Variants in NSUN7 observed in about 807,000 individuals in gnomAD.
The protein encoded by NSUN7 is NOP2/Sun RNA methyltransferase family member 7, also known as protein NSUN7.
In NSUN7, 39 loss-of-function variants were observed where a neutral mutation model predicts 58.5. That is an observed-to-expected ratio of 0.67 (90% CI 0.52 to 0.87). The LOEUF (loss-of-function observed/expected upper bound fraction) is 0.87, where lower values mean the gene tolerates loss of function less well. Among genes scored for constraint, NSUN7 ranks in the 40% least tolerant of loss-of-function variants. NSUN7 has a pLI of 0.00. For missense variants in NSUN7, 765 were observed against 844.1 expected, an observed-to-expected ratio of 0.91 and a Z score of 1.16; for synonymous variants, 278 against 303.7, an observed-to-expected ratio of 0.92 and a Z score of 0.88.
intron 7 of NSUN7, among the ~76,000 whole-genome samples, chr4:40,779,809 T>G (rs1742439368): frequency 6.6e-6 from 1 of 151,952 alleles, no homozygotes; most frequent in South Asian, 2.1e-4. Context: ...GAAAGAAAAA[T>G]AGAATTAATG....
chr4:40,799,519 A>G (rs977602071), intron 10 of NSUN7, among the ~76,000 whole-genome samples: 1 of 151,960 alleles, frequency 6.6e-6, no homozygotes, highest in Non-Finnish European at 1.5e-5. Flanking sequence ...AAAGAATATG[A>G]TATGGCAAAC....
chr4:40,774,517 T>A, intron 5 of NSUN7, 100 bp downstream of exon 5: 1 of 1,163,546 alleles, frequency 8.6e-7, no homozygotes, highest in Non-Finnish European at 1.2e-6. Context: ...GTGGCACATC[T>A]AGGGGAGTGA....
intron 10 of NSUN7, among the ~76,000 whole-genome samples, chr4:40,801,759 T>TG (rs1553919943): frequency 1.6e-4 from 24 of 151,194 alleles, no homozygotes; most frequent in African/African-American, 4.4e-4. Context: ...ATTAGCCACG[T>TG]GTGGTGGTGG....
chr4:40,796,513 C>A (rs868177976), intron 9 of NSUN7, among the ~76,000 whole-genome samples: 6 of 151,920 alleles, frequency 3.9e-5, no homozygotes, highest in Admixed American at 3.9e-4. Flanking sequence ...TGGGGGCATG[C>A]AGGCTACTCG....
At chr4:40,777,327 T>A (rs942116547) in intron 7 of NSUN7, among the ~76,000 whole-genome samples, 3 of 152,168 alleles carry the variant, frequency 2.0e-5, no homozygotes, top group Non-Finnish European at 4.4e-5. Context: ...TTTTCATTTT[T>A]TTAAATTTTT....
intron 10 of NSUN7, among the ~76,000 whole-genome samples, chr4:40,805,065 C>G (rs764167378): frequency 6.6e-6 from 1 of 152,190 alleles, no homozygotes; most frequent in Non-Finnish European, 1.5e-5. Flanking sequence ...GCTCACTTCT[C>G]TGTCCTCTTG....
At chr4:40,780,734 ATAT>A (rs1309134685) in intron 7 of NSUN7, among the ~76,000 whole-genome samples, 1 of 149,646 alleles carries the variant, frequency 6.7e-6, no homozygotes, top group African/African-American at 2.4e-5. Context: ...TGACATTAAA[ATAT>A]TATGTAAACA....
Position 40,774,314 on chromosome 4 carries a change from G to C in NSUN7, c.538G>C (p.Asp180His). The C allele has an allele frequency of 2.5e-6, 4 of 1,614,048 alleles. No homozygotes were observed. Among genetic ancestry groups the C allele is most frequent in the South Asian group, 1.1e-5 (1 of 91,080 alleles). Residue 180 changes from aspartate (D) to histidine (H), a missense_variant, in exon 5 of 12, where the codon GAT becomes CAT. Transcript: ENST00000381782. ...AALARCRIKHDALSIYHILPE... is the reference protein window; with the variant it reads ...AALARCRIKHHALSIYHILPE... Reference sequence around the variant, plus strand: ...ATTGGCAAGATGTCGAATCAAGCATGATGCCCTTTCAATTTACCACATCCT... The same window carrying C: ...ATTGGCAAGATGTCGAATCAAGCATCATGCCCTTTCAATTTACCACATCCT...
intron 10 of NSUN7, among the ~76,000 whole-genome samples, chr4:40,801,268 G>T (rs902780649): frequency 2.0e-5 from 3 of 152,140 alleles, no homozygotes; most frequent in South Asian, 4.2e-4. Flanking sequence ...TGGGAGAAGG[G>T]TATTGTGAAT....
Position 40,750,726 on chromosome 4 carries a change from G to A in NSUN7, c.33G>A (p.Ser11=). The change falls in exon 2 of 12, where the codon TCG becomes TCA. Residue 11 remains serine (S), a synonymous_variant. Transcript: ENST00000381782. ...ATTCCACGGGCGAACTGGAGTTTTC[G>A]AACGAAGAAGATCCCGAGATCATCT... is the stretch of plus-strand genomic sequence containing the variant. The part of the protein sequence containing the change: MLNSTGELEF[S]NEEDPEIISQ... The A allele has an allele frequency of 6.2e-7, 1 of 1,613,852 alleles. No individual in the cohort carries two copies. The highest frequency in any genetic ancestry group is 8.5e-7 in the Non-Finnish European group (1 of 1,179,880).
At chr4:40,802,717 A>G (rs1743639494) in intron 10 of NSUN7, among the ~76,000 whole-genome samples, 2 of 151,920 alleles carry the variant, frequency 1.3e-5, no homozygotes, top group African/African-American at 4.8e-5. Flanking sequence ...AACTCAGAAC[A>G]CAATTACATA....
intron 10 of NSUN7, among the ~76,000 whole-genome samples, 181 bp downstream of exon 10, chr4:40,799,085 T>C (rs1027875627): frequency 7.2e-6 from 1 of 139,646 alleles, no homozygotes; most frequent in South Asian, 2.3e-4. Flanking sequence ...TTTTTTTTTT[T>C]TTTTTTTTTT....
intron 2 of NSUN7, among the ~76,000 whole-genome samples, chr4:40,754,134 C>A (rs1740991182): frequency 1.3e-5 from 2 of 150,080 alleles, no homozygotes; most frequent in South Asian, 2.1e-4. Flanking sequence ...TAATTAGGAG[C>A]CTGCTATTTT....
At chr4:40,781,828 C>T (rs776160995) in intron 7 of NSUN7, among the ~76,000 whole-genome samples, 1 of 152,060 alleles carries the variant, frequency 6.6e-6, no homozygotes, top group Non-Finnish European at 1.5e-5. Flanking sequence ...CTTCAAAGAA[C>T]AGAAAAAGAT....
Position 40,799,073 on chromosome 4 carries a change from C to CTTTTTGTTTTTTTTTTTTT in NSUN7, c.1400+174_1400+175insGTTTTTTTTTTTTTTTTTT, listed in dbSNP as rs1553919775. Among the ~76,000 whole-genome samples the CTTTTTGTTTTTTTTTTTTT allele has an allele frequency of 5.2e-5, 4 of 76,210 alleles. 1 individual carries two copies. Among genetic ancestry groups the CTTTTTGTTTTTTTTTTTTT allele is most frequent in the Non-Finnish European group, 2.5e-5 (1 of 39,384 alleles). 50.0% of individuals were successfully genotyped at this position (76,210 alleles called of 152,430 possible). On this transcript the variant is annotated intron_variant, in intron 10 of 11. Transcript: ENST00000381782. ...AACCAAGATTCCATAGGGCCTTTTT[C>CTTTTTGTTTTTTTTTTTTT]TTTTTTTTTTTTTTTTTTTTTTTTT...
intron 8 of NSUN7, among the ~76,000 whole-genome samples, chr4:40,792,184 G>A (rs1242115351): frequency 6.6e-6 from 1 of 151,874 alleles, no homozygotes; most frequent in Admixed American, 6.6e-5. Flanking sequence ...AAGAAAAGGG[G>A]GAAGGAAAAA....
chr4:40,780,488 T>C lies in NSUN7; in HGVS notation c.1036+4229T>C, dbSNP rs566147820. Among the ~76,000 whole-genome samples, 4 of 151,804 alleles carry C rather than the reference T, an allele frequency of 2.6e-5. No homozygotes were observed. The South Asian group carries it at 8.3e-4, about 32-fold the overall frequency. On this transcript the variant is annotated intron_variant, in intron 7 of 11. Coordinates refer to ENST00000381782, the MANE Select transcript of NSUN7 (RefSeq NM_024677.6). ...CCCAGGTGGTAGCACACACCTGTGG[T>C]CCCAGCTACTCAGGAGGCTGAGGTT...
In NSUN7 at chr4:40,782,557, A is replaced by G. The variant is rs1276077672; in HGVS notation, c.1036+6298A>G. Among the ~76,000 whole-genome samples, 11 of 151,812 alleles carry G rather than the reference A, an allele frequency of 7.2e-5. No homozygotes were observed. In the South Asian group the frequency reaches 2.1e-3, roughly 29 times the overall value. ...CACTCCACCCTGTCTCAAAAAAAAA[A>G]AAAAAGAAAAAAAGAAAAGAGAAAT... is the stretch of plus-strand genomic sequence containing the variant. On this transcript the variant is annotated intron_variant, in intron 7 of 11. Coordinates refer to ENST00000381782, the MANE Select transcript of NSUN7 (RefSeq NM_024677.6).
At chr4:40,795,778 G>A (rs539650798) in intron 9 of NSUN7, among the ~76,000 whole-genome samples, 123 of 152,278 alleles carry the variant, frequency 8.1e-4, no homozygotes, top group African/African-American at 2.6e-3. Context: ...AGATAATTAC[G>A]TAATCTGTCA....
Sources: gnomAD v4.1 joint callset for allele counts (sites outside exome capture counted in the v4.1 genomes callset) on GRCh38, gnomAD v4.1.1 for gene constraint, MANE v1.5 for transcripts, NCBI Gene and HGNC (gene_info 2026-07-23, HGNC 2026-07-21) for gene names.